The following CABP4 variants were observed in gnomAD, a reference collection of about 807,000 sequenced individuals.
CABP4 encodes calcium-binding protein 4.
A neutral mutation model predicts 30.7 loss-of-function variants in CABP4; 30 were observed. That is an observed-to-expected ratio of 0.98 (90% CI 0.73 to 1.33). CABP4 has a LOEUF of 1.33. Among genes scored for constraint, CABP4 ranks in the 40% most tolerant of loss-of-function variants. The pLI is 0.00. For missense variants in CABP4, 424 were observed against 395.5 expected, an observed-to-expected ratio of 1.07 and a Z score of -0.61; for synonymous variants, 161 against 159.2, an observed-to-expected ratio of 1.01 and a Z score of -0.08.
intron 2 of CABP4, 40 bp downstream of exon 2, chr11:67,456,258 C>T: frequency 1.2e-6 from 2 of 1,613,518 alleles, no homozygotes; most frequent in Non-Finnish European, 1.7e-6. Flanking sequence ...GGGAGCTGTC[C>T]CTGAGCCTGG....
rs1399400829 is a variant in CABP4, at chr11:67,456,214, A to G, written c.393A>G (p.Leu131=). 3 of 1,613,280 alleles carry G rather than the reference A, an allele frequency of 1.9e-6. No homozygotes were observed. The Admixed American group carries it at 5.0e-5, about 27-fold the overall frequency. The change falls in exon 2 of 6, where the codon CTA becomes CTG. Residue 131 remains leucine (L), a synonymous_variant. Transcript: ENST00000325656. ...GKDRELGPEE[L]DELQAAFEEF... ...ACCGCGAACTGGGCCCCGAGGAGCT[A>G]GACGGTGAGTGGCTCTTGCTGCTGG... is the stretch of plus-strand genomic sequence containing the variant.
chr11:67,454,956 C>A (rs2135169392), upstream of CABP4, among the ~76,000 whole-genome samples: 1 of 152,330 alleles, frequency 6.6e-6, no homozygotes, highest in East Asian at 1.9e-4. Context: ...TTCCCACCTC[C>A]CAGCCGTTGT....
At chr11:67,452,606 A>T, upstream of CABP4, 1 of 1,613,246 alleles carries the variant, frequency 6.2e-7, no homozygotes, top group South Asian at 1.1e-5. Flanking sequence ...CCCAAGGAGC[A>T]GCAGGGCCAC....
chr11:67,456,834 C>T (rs1864827692), intron 3 of CABP4, among the ~76,000 whole-genome samples: 1 of 152,196 alleles, frequency 6.6e-6, no homozygotes. Flanking sequence ...TTTCTGTGAC[C>T]CTGCCTCAGC....
In CABP4 at chr11:67,459,009, G is replaced by A; in HGVS notation, c.*350G>A. Reference sequence around the variant, plus strand: ...AGTGGCATGATGAATGGAGAGGATGGCTGGACCCCTTCCACTACTTATGTT... The same window carrying A: ...AGTGGCATGATGAATGGAGAGGATGACTGGACCCCTTCCACTACTTATGTT... On this transcript the variant is annotated 3_prime_UTR_variant, in exon 6 of 6. Transcript: ENST00000325656. 2.5e-6 allele frequency: 1 copy of A among 407,234 alleles called. No individual in the cohort carries two copies. The highest frequency in any genetic ancestry group is 4.6e-6 in the Non-Finnish European group (1 of 219,046). 25.2% of individuals were successfully genotyped at this position (407,234 alleles called of 1,614,324 possible).
rs1455035481 is a variant in CABP4, at chr11:67,455,496, G to T, written c.73G>T (p.Val25Phe). 11 of 1,607,456 alleles carry T rather than the reference G, an allele frequency of 6.8e-6. No homozygotes were observed. The highest frequency in any genetic ancestry group is 1.1e-5 in the South Asian group (1 of 89,984). Residue 25 changes from valine (V) to phenylalanine (F), a missense_variant, in exon 1 of 6, where the codon GTT (valine) becomes TTT (phenylalanine). By Grantham distance (50) the Val-to-Phe change is conservative. Coordinates refer to ENST00000325656, the MANE Select transcript of CABP4 (RefSeq NM_145200.5). ...TGGCCGTCAGAAGCCCCCTGCGGGG[G>T]TTGTGACTCCCAAGAGTGATGCAGA... ...AIGRQKPPAG[V>F]VTPKSDAEEP... is the part of the protein sequence containing the mutation.
intron 4 of CABP4, 69 bp from the exon 5 acceptor site, chr11:67,458,302 A>G (rs1439255753): frequency 8.2e-7 from 1 of 1,214,078 alleles, no homozygotes. Context: ...AATAAAAAAT[A>G]AAAGAGTGGA....
chr11:67,455,832 G>T, intron 1 of CABP4, 43 bp downstream of exon 1: 1 of 1,544,992 alleles, frequency 6.5e-7, no homozygotes, highest in Non-Finnish European at 8.7e-7. Flanking sequence ...TGGGGGTGGG[G>T]CTGGAGACAC....
intron 4 of CABP4, among the ~76,000 whole-genome samples, chr11:67,458,115 C>T (rs181626050): frequency 4.9e-4 from 74 of 152,184 alleles, no homozygotes; most frequent in African/African-American, 1.7e-3. Flanking sequence ...AAAAATTAGC[C>T]AAGGGTTGTG....
In CABP4 at chr11:67,457,691, T is replaced by A; in HGVS notation, c.651+9T>A. The A allele has an allele frequency of 6.4e-7, 1 of 1,567,182 alleles. No homozygotes were observed. The highest frequency in any genetic ancestry group is 8.7e-7 in the Non-Finnish European group (1 of 1,155,330). ...GCATCGCCTTCCGAGAGGTGCGGAG[T>A]GTGGTGAGGTGGGCAGAGGGGGGCA... On this transcript the variant is annotated intron_variant, in intron 4 of 5. Coordinates refer to ENST00000325656, the MANE Select transcript of CABP4 (RefSeq NM_145200.5).
chr11:67,458,219 A>T, intron 4 of CABP4, 152 bp from the exon 5 acceptor site: 1 of 549,182 alleles, frequency 1.8e-6, no homozygotes, highest in Non-Finnish European at 2.5e-6. Context: ...AAATTGCGTC[A>T]CTGCACTCCA....
At chr11:67,453,735 G>A (rs1864656484), upstream of CABP4, 1 of 152,096 alleles carries the variant, frequency 6.6e-6, no homozygotes, top group African/African-American at 2.4e-5. Context: ...ATTAAGGGAG[G>A]GAAGAGTACC....
At chr11:67,458,578 C>T in intron 5 of CABP4, 53 bp from the exon 6 acceptor site, 2 of 1,614,072 alleles carry the variant, frequency 1.2e-6, no homozygotes, top group Admixed American at 1.7e-5. Flanking sequence ...AGCCCAGCAC[C>T]TCCTGGGATC....
Position 67,455,361 on chromosome 11 carries a change from T to A in CABP4, c.-63T>A. The A allele has an allele frequency of 6.5e-7, 1 of 1,547,272 alleles. No homozygotes were observed. Among genetic ancestry groups the A allele is most frequent in the Non-Finnish European group, 8.7e-7 (1 of 1,150,464 alleles). On this transcript the variant is annotated 5_prime_UTR_variant, in exon 1 of 6. It removes an upstream start codon present in the reference 5' UTR. Transcript: ENST00000325656. Reference sequence around the variant, plus strand: ...GAGTGGGGGTGCATAAGCAGCTTTATGGGTCCTGAAAGCCAAGGGTGCCCA... The same window carrying A: ...GAGTGGGGGTGCATAAGCAGCTTTAAGGGTCCTGAAAGCCAAGGGTGCCCA...
rs749115440 is a variant in CABP4, at chr11:67,457,585, T to C, written c.554T>C (p.Val185Ala). Reference protein sequence around the residue: ...QHIKMRMGGRVDFEEFVELIG... With the variant: ...QHIKMRMGGRADFEEFVELIG... ...CCTGGGTCTGCAGTGGGCGGCCGTG[T>C]GGACTTTGAGGAGTTTGTAGAACTG... Residue 185 changes from valine to alanine, a missense_variant, in exon 4 of 6, where the codon GTG becomes GCG. Physicochemically the swap from Val to Ala is moderately conservative, Grantham distance 64 (BLOSUM62 0). Transcript: ENST00000325656. The C allele has an allele frequency of 1.2e-5, 19 of 1,593,438 alleles. No individual in the cohort carries two copies. Among genetic ancestry groups the C allele is most frequent in the Non-Finnish European group, 1.3e-5 (15 of 1,169,852 alleles).
At chr11:67,452,990 G>A, upstream of CABP4, 2 of 403,426 alleles carry the variant, frequency 5.0e-6, no homozygotes, top group East Asian at 7.3e-5. Context: ...AGGTGCCAGG[G>A]CTCAACCCAG....
At position 67,457,613 on chromosome 11, in the gene CABP4, A is replaced by G. The variant is rs1055218639; in HGVS notation, c.582A>G (p.Ile194Met). The G allele has an allele frequency of 6.2e-7, 1 of 1,605,238 alleles. No homozygotes were observed. The highest frequency in any genetic ancestry group is 1.7e-5 in the Admixed American group (1 of 58,592). Reference protein sequence around the residue: ...RVDFEEFVELIGPKLREETAH... With the variant: ...RVDFEEFVELMGPKLREETAH... The stretch of plus-strand genomic sequence containing the variant: ...ACTTTGAGGAGTTTGTAGAACTGAT[A>G]GGCCCAAAGCTGAGGGAGGAGACGG... Residue 194 changes from isoleucine (I) to methionine (M), a missense_variant, in exon 4 of 6, where the codon ATA becomes ATG. Physicochemically the swap from Ile to Met is conservative, Grantham distance 10. Transcript: ENST00000325656.
In CABP4 at chr11:67,455,740, A is replaced by G. The variant is rs766923376; in HGVS notation, c.317A>G (p.Asp106Gly). 1.2e-6 allele frequency: 2 copies of G among 1,601,682 alleles called. No homozygotes were observed. The highest frequency in any genetic ancestry group is 3.4e-5 in the Admixed American group (2 of 58,452). ...SHRHRPDSLHDAAQRTYGPLL... is the reference protein window; with the variant it reads ...SHRHRPDSLHGAAQRTYGPLL... ...CGACATCGTCCTGACTCCCTGCACGACGCTGCTCAGAGGACATACGGGCCC... is the reference window on the plus strand; with the variant it reads ...CGACATCGTCCTGACTCCCTGCACGGCGCTGCTCAGAGGACATACGGGCCC... The change falls in exon 1 of 6, where the codon GAC (aspartate) becomes GGC (glycine). Residue 106 changes from aspartate (D) to glycine (G), a missense_variant. Physicochemically the swap from Asp to Gly is moderately conservative, Grantham distance 94. Coordinates refer to ENST00000325656, the MANE Select transcript of CABP4 (RefSeq NM_145200.5).
upstream of CABP4, chr11:67,453,044 T>G: frequency 1.6e-4 from 37 of 235,574 alleles, no homozygotes; most frequent in Middle Eastern, 1.5e-3. Flanking sequence ...AGACAGGGCC[T>G]TGCTCTATTG....
Sources: allele counts gnomAD v4.1 joint callset (sites outside exome capture counted in the v4.1 genomes callset), GRCh38; gene constraint gnomAD v4.1.1; transcripts MANE v1.5; gene names NCBI Gene and HGNC (gene_info 2026-07-23, HGNC 2026-07-21).